The following ASAP1 variants were observed in gnomAD, a reference collection of about 807,000 sequenced individuals.
The protein encoded by ASAP1 is arf-GAP with SH3 domain, ANK repeat and PH domain-containing protein 1.
Under a neutral mutation model 145.2 loss-of-function variants are expected in ASAP1, and 43 were observed. The observed-to-expected ratio is 0.30, with a 90% CI of 0.23 to 0.38. ASAP1 has a LOEUF of 0.38. ASAP1 is among the 10% of genes least tolerant of loss of function. The pLI is 1.00. For synonymous variants in ASAP1, 546 were observed against 515.5 expected (o/e 1.06, Z -0.80); for missense variants, 1,018 against 1,355.3 (o/e 0.75, Z 3.91).
At chr8:130,432,399 T>C (rs1830169307) in intron 1 of ASAP1, among the ~76,000 whole-genome samples, 2 of 151,928 alleles carry the variant, frequency 1.3e-5, no homozygotes, top group Admixed American at 1.3e-4. Context: ...AGTATAAAGG[T>C]TCTTCATTTT....
intron 24 of ASAP1, among the ~76,000 whole-genome samples, chr8:130,108,757 G>GTTTTTTTTTTTTTTTTTTTTTTTTTTT (rs10568607): frequency 3.9e-5 from 2 of 51,526 alleles, no homozygotes; most frequent in African/African-American, 8.3e-5. Context: ...TCAAAAACCA[G>GTTTTTTTTTTTTTTTTTTTTTTTTTTT]TTTTTTTTTT....
At chr8:130,191,452 CT>C (rs1815135280) in intron 5 of ASAP1, among the ~76,000 whole-genome samples, 1 of 152,196 alleles carries the variant, frequency 6.6e-6, no homozygotes, top group Admixed American at 6.5e-5. Flanking sequence ...AATAAGATAT[CT>C]ACTCTGTGCC....
intron 1 of ASAP1, among the ~76,000 whole-genome samples, chr8:130,436,638 A>G (rs1414057162): frequency 6.6e-6 from 1 of 152,162 alleles, no homozygotes; most frequent in Non-Finnish European, 1.5e-5. Flanking sequence ...GAGACCATCC[A>G]AATATAAAAA....
rs1827371962 is a variant in ASAP1, at chr8:130,374,265, A to G, written c.60-16122T>C. On this transcript the variant is annotated intron_variant, in intron 2 of 29. Coordinates refer to ENST00000518721, the MANE Select transcript of ASAP1 (RefSeq NM_018482.4). ...TGTGAGAGTACAACATATGTAGCCCATAAATGTTCTTTCAATCCAAAGAAC... is the reference window on the plus strand; with the variant it reads ...TGTGAGAGTACAACATATGTAGCCCGTAAATGTTCTTTCAATCCAAAGAAC... 2.6e-5 allele frequency among the ~76,000 whole-genome samples: 4 copies of G among 152,264 alleles called. No individual in the cohort carries two copies. In the South Asian group the frequency reaches 8.3e-4, roughly 31 times the overall value.
chr8:130,373,111 TACACACACACAC>T (rs367719682), intron 2 of ASAP1, among the ~76,000 whole-genome samples: 2 of 94,108 alleles, frequency 2.1e-5, no homozygotes, highest in Admixed American at 1.9e-4. Context: ...GAAATACATA[TACACACACACAC>T]ACACACACAC....
intron 2 of ASAP1, chr8:130,386,654 G>T (rs1828031940): frequency 6.6e-6 from 1 of 152,238 alleles, no homozygotes; most frequent in South Asian, 2.1e-4. Flanking sequence ...TGCAGAAACA[G>T]TTAGAAGCGG....
chr8:130,173,465 T>C (rs563826410), intron 9 of ASAP1, among the ~76,000 whole-genome samples: 17 of 152,230 alleles, frequency 1.1e-4, no homozygotes, highest in African/African-American at 4.1e-4. Context: ...CTCGTCCTAG[T>C]TCAGTGGACA....
intron 1 of ASAP1, among the ~76,000 whole-genome samples, chr8:130,439,025 G>C (rs539922244): frequency 6.6e-6 from 1 of 152,356 alleles, no homozygotes; most frequent in South Asian, 2.1e-4. Flanking sequence ...AGGTTGCTAA[G>C]CTGTTGACCT....
chr8:130,087,242 A>G (rs1459591679), intron 25 of ASAP1, among the ~76,000 whole-genome samples: 2 of 152,094 alleles, frequency 1.3e-5, no homozygotes, highest in Non-Finnish European at 2.9e-5. Flanking sequence ...CAGGTGGGCC[A>G]AGTTCGGTGG....
At chr8:130,439,176 T>C (rs530791346) in intron 1 of ASAP1, among the ~76,000 whole-genome samples, 91 of 152,112 alleles carry the variant, frequency 6.0e-4, no homozygotes, top group Non-Finnish European at 9.3e-4. Flanking sequence ...CTGCCGGCTT[T>C]GGAGGTGGAA....
intron 24 of ASAP1, among the ~76,000 whole-genome samples, chr8:130,105,012 G>C (rs1469070101): frequency 1.3e-5 from 2 of 152,134 alleles, no homozygotes; most frequent in African/African-American, 4.8e-5. Context: ...CAATATACAT[G>C]AAGATTTTAT....
chr8:130,286,981 G>A (rs913319729), intron 3 of ASAP1, among the ~76,000 whole-genome samples: 6 of 152,246 alleles, frequency 3.9e-5, no homozygotes, highest in Admixed American at 1.3e-4. Context: ...TCAAAAAGGC[G>A]AATGAGCACA....
intron 3 of ASAP1, among the ~76,000 whole-genome samples, chr8:130,325,491 A>G (rs1159979707): frequency 5.9e-5 from 9 of 152,348 alleles, no homozygotes; most frequent in Admixed American, 3.9e-4. Flanking sequence ...GCAAAGTAAG[A>G]GACATCTGTT....
At chr8:130,345,470 T>C (rs1398845746) in intron 3 of ASAP1, among the ~76,000 whole-genome samples, 1 of 152,182 alleles carries the variant, frequency 6.6e-6, no homozygotes, top group East Asian at 1.9e-4. Flanking sequence ...TATGTGTGTT[T>C]GTTTCCACCA....
Position 130,400,932 on chromosome 8 carries a change from G to A in ASAP1, c.59+953C>T, listed in dbSNP as rs1435291972. Among the ~76,000 whole-genome samples the A allele has an allele frequency of 2.0e-5, 3 of 152,254 alleles. No individual in the cohort carries two copies. In the East Asian group the frequency reaches 5.8e-4, roughly 29 times the overall value. ...TCTCATTCTTGACCCCCAGGCTGGAGTGCAACAGTGTGATCTTGGCCCACT... is the reference window on the plus strand; with the variant it reads ...TCTCATTCTTGACCCCCAGGCTGGAATGCAACAGTGTGATCTTGGCCCACT... On this transcript the variant is annotated intron_variant, in intron 2 of 29. Transcript: ENST00000518721.
In ASAP1 at chr8:130,401,922, G is replaced by T. The variant is rs757391464; in HGVS notation, c.22C>A (p.Leu8Ile). ...GAATCTCTCGACGAAAAACTGGAGA[G>T]CCTGGAGGCTGAAGATCTCATGTCT... MRSSASR[L>I]SSFSSRDSLW... The change falls in exon 2 of 30, where the codon CTC becomes ATC. Residue 8 changes from leucine to isoleucine, a missense_variant. By Grantham distance (5) the Leu-to-Ile change is conservative. Around this residue, in one of 9 missense-constraint regions of ASAP1, gnomAD observed 106 missense variants for 134.5 expected, o/e 0.79. Transcript: ENST00000518721. 2.5e-6 allele frequency: 4 copies of T among 1,613,594 alleles called. No homozygotes were observed. Among genetic ancestry groups the T allele is most frequent in the East Asian group, 2.2e-5 (1 of 44,888 alleles).
intron 3 of ASAP1, among the ~76,000 whole-genome samples, chr8:130,305,197 C>T (rs886191197): frequency 9.8e-5 from 15 of 152,286 alleles, no homozygotes; most frequent in African/African-American, 3.6e-4. Context: ...TTCATAGCAC[C>T]TACTGACACC....
At chr8:130,145,217 G>A (rs145184878) in intron 13 of ASAP1, among the ~76,000 whole-genome samples, 187 of 152,284 alleles carry the variant, frequency 1.2e-3, no homozygotes, top group Non-Finnish European at 1.7e-3. Context: ...GCCACTTTAC[G>A]TCATGCTATC....
intron 3 of ASAP1, among the ~76,000 whole-genome samples, chr8:130,336,944 T>C (rs1825073305): frequency 6.6e-6 from 1 of 152,118 alleles, no homozygotes; most frequent in Admixed American, 6.5e-5. Context: ...GGGCAAAAAA[T>C]GTCTTGACCT....
Sources: gnomAD v4.1 joint callset for allele counts (sites outside exome capture counted in the v4.1 genomes callset) on GRCh38, gnomAD v4.1.1 for gene constraint, gnomAD v4.1.1 regional missense constraint, MANE v1.5 for transcripts, NCBI Gene and HGNC (gene_info 2026-07-23, HGNC 2026-07-21) for gene names.